USP54: variants seen among roughly 807,000 people sequenced by gnomAD.
The protein encoded by USP54 is ubiquitin carboxyl-terminal hydrolase 54.
USP54 carries 87 observed loss-of-function variants against 170.5 expected under a neutral mutation model. The ratio of observed to expected loss-of-function variants is 0.51; its 90% CI spans 0.43 to 0.61. USP54 has a LOEUF of 0.61. Ranked by LOEUF, USP54 falls within the 20% of genes least tolerant of loss-of-function variation. The pLI is 0.00. For missense variants in USP54, 1,786 were observed against 2,047.8 expected (o/e 0.87, Z 2.47); for synonymous variants, 655 against 742.8 (o/e 0.88, Z 1.92).
At chr10:73,537,097 C>G (rs910851769) in intron 10 of USP54, among the ~76,000 whole-genome samples, 1 of 152,166 alleles carries the variant, frequency 6.6e-6, no homozygotes, top group Non-Finnish European at 1.5e-5. Flanking sequence ...AAGCTTGAAC[C>G]AGTCACATTT....
chr10:73,500,946 G>A (rs2057991691), intron 22 of USP54, 108 bp from the exon 23 acceptor site: 2 of 1,173,704 alleles, frequency 1.7e-6, no homozygotes, highest in Admixed American at 3.2e-5. Flanking sequence ...GGGAACCAGA[G>A]CACAAACATG....
In USP54 at chr10:73,523,768, G is replaced by C; in HGVS notation, c.2195-18C>G. On this transcript the variant is annotated intron_variant, in intron 16 of 23. Coordinates refer to ENST00000687698, the MANE Select transcript of USP54 (RefSeq NM_001391956.1). ...CTCCTCACCTGTAATATAAGCAAGG[G>C]AGAAGTCACCACATTTCCATTACCA... 1 of 1,597,850 alleles carries C rather than the reference G, an allele frequency of 6.3e-7. No individual in the cohort carries two copies. The highest frequency in any genetic ancestry group is 8.6e-7 in the Non-Finnish European group (1 of 1,169,564).
chr10:73,584,374 G>A (rs1464229075), intron 1 of USP54, among the ~76,000 whole-genome samples: 3 of 151,842 alleles, frequency 2.0e-5, no homozygotes, highest in African/African-American at 7.3e-5. Flanking sequence ...GCAATGGAGT[G>A]AGACTTTGTC....
In USP54 at chr10:73,588,514, G is replaced by A. The variant is rs201059761; in HGVS notation, c.-582+2764C>T. Among the ~76,000 whole-genome samples the A allele has an allele frequency of 5.9e-5, 9 of 152,190 alleles. No homozygotes were observed. In the East Asian group the frequency reaches 1.2e-3, roughly 20 times the overall value. On this transcript the variant is annotated intron_variant, in intron 1 of 23. Transcript: ENST00000687698. ...GCTGCGATTACAGGCGTGAGCCACCGCGCCCAGCCTGGGAAAAATGTATTC... is the reference window on the plus strand; with the variant it reads ...GCTGCGATTACAGGCGTGAGCCACCACGCCCAGCCTGGGAAAAATGTATTC...
intron 4 of USP54, among the ~76,000 whole-genome samples, chr10:73,565,774 A>T (rs1471404492): frequency 5.9e-5 from 9 of 152,210 alleles, no homozygotes; most frequent in Admixed American, 5.9e-4. Context: ...GTACAAAAGA[A>T]ATATGTACAC....
intron 1 of USP54, among the ~76,000 whole-genome samples, chr10:73,589,086 T>C (rs1012808310): frequency 6.6e-6 from 1 of 152,218 alleles, no homozygotes; most frequent in Non-Finnish European, 1.5e-5. Context: ...ATCAATACTT[T>C]ATTAGAATAC....
chr10:73,559,325 C>T (rs112628626), intron 4 of USP54, among the ~76,000 whole-genome samples: 5,365 of 152,110 alleles, frequency 0.035, 153 homozygotes, highest in South Asian at 0.12. Context: ...CCTTGGGAGG[C>T]CAAGGCAGGC....
chr10:73,624,159 C>CATATATATATATATATATATAT (rs58238181), intron 1 of USP54, among the ~76,000 whole-genome samples: 1 of 69,872 alleles, frequency 1.4e-5, no homozygotes, highest in Non-Finnish European at 2.6e-5. Flanking sequence ...TTTTAAAAGC[C>CATATATATATATATATATATAT]ATATATATAT....
chr10:73,528,029 G>A (rs1000494322), intron 15 of USP54, among the ~76,000 whole-genome samples: 5 of 151,946 alleles, frequency 3.3e-5, no homozygotes, highest in Admixed American at 6.6e-5. Flanking sequence ...TCCGCCTCCC[G>A]GGTTCAAGTG....
chr10:73,502,637 C>G (rs931402572), intron 22 of USP54, among the ~76,000 whole-genome samples: 3 of 152,156 alleles, frequency 2.0e-5, no homozygotes, highest in African/African-American at 7.2e-5. Flanking sequence ...GAAACACTCT[C>G]CCCTTGGTGA....
chr10:73,541,766 G>A (rs750972082), intron 7 of USP54, 28 bp from the exon 8 acceptor site: 1 of 1,602,914 alleles, frequency 6.2e-7, no homozygotes, highest in African/African-American at 1.3e-5. Flanking sequence ...GAAGGGGGAT[G>A]ATGGTTTGTA....
At chr10:73,499,851 A>C (rs2057705633) in intron 23 of USP54, 1 of 152,272 alleles carries the variant, frequency 6.6e-6, no homozygotes, top group Non-Finnish European at 1.5e-5. Context: ...TTGGGCTGAT[A>C]ATTCTTTGTT....
At chr10:73,595,299 C>T (rs1050191005), upstream of USP54, among the ~76,000 whole-genome samples, 1 of 152,120 alleles carries the variant, frequency 6.6e-6, no homozygotes, top group Non-Finnish European at 1.5e-5. Flanking sequence ...CAGGTGCAAT[C>T]CCTGTGCAAT....
At chr10:73,504,661 G>A in intron 22 of USP54, 189 bp downstream of exon 22, 2 of 757,530 alleles carry the variant, frequency 2.6e-6, no homozygotes, top group Non-Finnish European at 4.2e-6. Flanking sequence ...ACATGGAATG[G>A]ACATTCCTCT....
chr10:73,528,639 G>A (rs1438579877), intron 15 of USP54, among the ~76,000 whole-genome samples: 4 of 150,896 alleles, frequency 2.7e-5, no homozygotes, highest in South Asian at 2.1e-4. Flanking sequence ...GCACGAGCTC[G>A]GCTCATTACC....
intron 20 of USP54, among the ~76,000 whole-genome samples, chr10:73,513,683 G>A (rs11000698): frequency 0.018 from 2,756 of 152,252 alleles, 40 homozygotes; most frequent in East Asian, 0.062. Context: ...TATAGTACAT[G>A]TGTATAAAAA....
intron 4 of USP54, among the ~76,000 whole-genome samples, chr10:73,547,509 A>G (rs949373890): frequency 1.3e-5 from 2 of 152,230 alleles, no homozygotes; most frequent in African/African-American, 4.8e-5. Flanking sequence ...TAACCAAAAC[A>G]GCATGGTACT....
intron 1 of USP54, among the ~76,000 whole-genome samples, chr10:73,610,863 T>G (rs1486414433): frequency 6.6e-6 from 1 of 152,172 alleles, no homozygotes; most frequent in Non-Finnish European, 1.5e-5. Context: ...GGGAAGGTAA[T>G]GCTACCACAC....
At chr10:73,525,176 GAA>G (rs943865078) in intron 16 of USP54, among the ~76,000 whole-genome samples, 2 of 152,108 alleles carry the variant, frequency 1.3e-5, no homozygotes, top group African/African-American at 4.8e-5. Flanking sequence ...TGTAAGCATA[GAA>G]AAAGACAGAA....
Sources: gnomAD v4.1 joint callset for allele counts (sites outside exome capture counted in the v4.1 genomes callset) on GRCh38, gnomAD v4.1.1 for gene constraint, MANE v1.5 for transcripts, NCBI Gene and HGNC (gene_info 2026-07-23, HGNC 2026-07-21) for gene names.